The following RBFOX1 variants were observed in gnomAD, a reference collection of about 807,000 sequenced individuals.
The protein encoded by RBFOX1 is RNA binding fox-1 homolog 1.
A neutral mutation model predicts 57.7 loss-of-function variants in RBFOX1; 8 were observed. That is an observed-to-expected ratio of 0.14 (90% CI 0.08 to 0.25). RBFOX1 has a LOEUF of 0.25. Among genes scored for constraint, RBFOX1 ranks in the 10% least tolerant of loss-of-function variants. RBFOX1 has a pLI of 1.00. For missense variants in RBFOX1, 611 were observed against 548.5 expected (o/e 1.11, Z -1.14); for synonymous variants, 326 against 222.4 (o/e 1.47, Z -4.15).
chr16:5,607,804 G>T (rs898649906), intron 3 of RBFOX1, among the ~76,000 whole-genome samples: 1 of 152,114 alleles, frequency 6.6e-6, no homozygotes, highest in African/African-American at 2.4e-5. Flanking sequence ...ATATGTATCT[G>T]CCTTCTTTCC....
At chr16:6,994,274 C>T (rs947129102) in intron 3 of RBFOX1, among the ~76,000 whole-genome samples, 4 of 152,092 alleles carry the variant, frequency 2.6e-5, no homozygotes, top group Admixed American at 6.6e-5. Context: ...GGAATTCTGC[C>T]TTCCGACTTA....
intron 4 of RBFOX1, among the ~76,000 whole-genome samples, chr16:7,088,821 C>T (rs188961355): frequency 6.6e-5 from 10 of 152,064 alleles, no homozygotes; most frequent in African/African-American, 2.4e-4. Flanking sequence ...GGGAGGGAGG[C>T]GTTTTCGAGG....
At chr16:7,433,864 A>C (rs2098701783) in intron 4 of RBFOX1, among the ~76,000 whole-genome samples, 1 of 152,252 alleles carries the variant, frequency 6.6e-6, no homozygotes, top group African/African-American at 2.4e-5. Flanking sequence ...AAGCCAAATG[A>C]CAGGGAGAGA....
intron 2 of RBFOX1, among the ~76,000 whole-genome samples, chr16:6,627,927 C>G (rs886715048): frequency 5.9e-5 from 9 of 152,214 alleles, no homozygotes; most frequent in Non-Finnish European, 1.0e-4. Flanking sequence ...AGGGGCCATC[C>G]TCAACTGTCT....
In RBFOX1 at chr16:7,228,895, C is replaced by G. The variant is rs904242003; in HGVS notation, c.27+176797C>G. The stretch of plus-strand genomic sequence containing the variant: ...ATCCACAGCTTCACGTTATCTGTTG[C>G]ATTTTGAGAGAGAAGAAGATGGATG... On this transcript the variant is annotated intron_variant, in intron 4 of 15. Coordinates refer to ENST00000550418, the MANE Select transcript of RBFOX1 (RefSeq NM_018723.4). Among the ~76,000 whole-genome samples the G allele has an allele frequency of 2.6e-4, 40 of 152,042 alleles. 1 individual carries two copies. Among genetic ancestry groups the G allele is most frequent in the African/African-American group, 8.7e-4 (36 of 41,404 alleles).
rs141833561 is a variant in RBFOX1, at chr16:5,345,451, C to T, written c.219+105346C>T. Among the ~76,000 whole-genome samples the T allele has an allele frequency of 3.6e-3, 551 of 152,314 alleles. 2 individuals carry two copies. Among genetic ancestry groups the T allele is most frequent in the African/African-American group, 0.013 (521 of 41,570 alleles). On this transcript the variant is annotated intron_variant, in intron 1 of 2. Coordinates refer to the RBFOX1 transcript ENST00000585867. ...CAGACATGTGGCCAGGGAGATCAGC[C>T]GCTGTCCACTTCCATCAGTGGTCAA...
At chr16:7,011,407 T>C (rs1349901821) in intron 3 of RBFOX1, among the ~76,000 whole-genome samples, 1 of 152,172 alleles carries the variant, frequency 6.6e-6, no homozygotes, top group Non-Finnish European at 1.5e-5. Context: ...AGGCGGGCTG[T>C]TTGTTGCTAT....
chr16:6,973,766 C>G (rs530272404), intron 3 of RBFOX1, among the ~76,000 whole-genome samples: 2 of 151,962 alleles, frequency 1.3e-5, no homozygotes, highest in South Asian at 2.1e-4. Context: ...ACCCATTAAC[C>G]GGTAGTTTTT....
intron 1 of RBFOX1, among the ~76,000 whole-genome samples, chr16:6,313,841 C>G (rs2080717228): frequency 6.6e-6 from 1 of 151,562 alleles, no homozygotes; most frequent in Admixed American, 6.6e-5. Flanking sequence ...AAAAATAACA[C>G]TAAATCACTC....
chr16:6,902,417 A>C (rs1008958270), intron 3 of RBFOX1, among the ~76,000 whole-genome samples: 1 of 152,210 alleles, frequency 6.6e-6, no homozygotes, highest in African/African-American at 2.4e-5. Flanking sequence ...CCATACTCAG[A>C]AGACCCAAGA....
At chr16:6,787,973 A>C (rs929912946) in intron 3 of RBFOX1, among the ~76,000 whole-genome samples, 6 of 148,498 alleles carry the variant, frequency 4.0e-5, no homozygotes, top group Admixed American at 1.4e-4. Flanking sequence ...CTGTAATCCC[A>C]GCACTTTGGG....
chr16:6,367,416 A>G (rs2079307711), intron 2 of RBFOX1, among the ~76,000 whole-genome samples: 1 of 151,990 alleles, frequency 6.6e-6, no homozygotes, highest in Non-Finnish European at 1.5e-5. Flanking sequence ...GATTACAGGC[A>G]TGCACCACCA....
At chr16:5,729,597 T>C (rs1322426166) in intron 3 of RBFOX1, among the ~76,000 whole-genome samples, 1 of 152,158 alleles carries the variant, frequency 6.6e-6, no homozygotes, top group Non-Finnish European at 1.5e-5. Flanking sequence ...GTACCCAAGA[T>C]AATTTGCATC....
At chr16:5,786,511 T>A (rs1440510998) in intron 3 of RBFOX1, among the ~76,000 whole-genome samples, 1 of 152,112 alleles carries the variant, frequency 6.6e-6, no homozygotes, top group East Asian at 1.9e-4. Flanking sequence ...TGTGTCAGGG[T>A]GTGTTTCTGC....
intron 3 of RBFOX1, chr16:5,610,304 A>T (rs1567294823): frequency 6.6e-6 from 1 of 152,238 alleles, no homozygotes; most frequent in Non-Finnish European, 1.5e-5. Flanking sequence ...GCTATGTACT[A>T]GGCCCATGTT....
In RBFOX1 at chr16:7,599,524, T is replaced by G. The variant is rs188094046; in HGVS notation, c.622+2093T>G. Among the ~76,000 whole-genome samples the G allele has an allele frequency of 6.2e-4, 94 of 152,280 alleles. No individual in the cohort carries two copies. In the East Asian group the frequency reaches 0.016, roughly 26 times the overall value. On this transcript the variant is annotated intron_variant, in intron 9 of 15. Coordinates refer to ENST00000550418, the MANE Select transcript of RBFOX1 (RefSeq NM_018723.4). ...TTTCTGGAATATGAGGTATGCATTA[T>G]GTGAGGCATTTTAAGTGCACTGGAC...
rs2095031865 is a variant in RBFOX1 at position 6,019,842 on chromosome 16, C to A, written c.-277C>A. ...CGCGCCAGGGCGGGGCTGACCTGCC[C>A]GCGAAGTTGCGGACAGTGCGTGAGA... On this transcript the variant is annotated 5_prime_UTR_variant, in exon 1 of 16. Coordinates refer to ENST00000550418, the MANE Select transcript of RBFOX1 (RefSeq NM_018723.4). This position sits in a 1 kb window ranked among gnomAD's most constrained non-coding sequence, Gnocchi z 4.2. 2 of 1,524,924 alleles carry A rather than the reference C, an allele frequency of 1.3e-6. No homozygotes were observed. The highest frequency in any genetic ancestry group is 1.8e-4 in the Middle Eastern group (1 of 5,504). 94.5% of individuals were successfully genotyped at this position (1,524,924 alleles called of 1,614,324 possible). A position where few individuals can be genotyped will look rare whatever the true frequency, so the allele number is the denominator to read the frequency against.
intron 3 of RBFOX1, among the ~76,000 whole-genome samples, chr16:6,671,420 T>C (rs1234969314): frequency 2.0e-5 from 3 of 152,248 alleles, no homozygotes; most frequent in Non-Finnish European, 4.4e-5. Context: ...GAAATATTCA[T>C]GTTCATATTC....
At chr16:5,983,989 A>C (rs28413875) in intron 4 of RBFOX1, among the ~76,000 whole-genome samples, 34,294 of 122,608 alleles carry the variant, frequency 0.28, 5,483 homozygotes, top group African/African-American at 0.5. Context: ...TCTTCCTCCC[A>C]CATTCTTCTT....
Sources: allele counts gnomAD v4.1 joint callset (sites outside exome capture counted in the v4.1 genomes callset), GRCh38; gene constraint gnomAD v4.1.1; non-coding constraint Gnocchi (gnomAD v3.1); transcripts MANE v1.5; gene names NCBI Gene and HGNC (gene_info 2026-07-23, HGNC 2026-07-21).